The following ZBTB7C variants were observed in gnomAD, a reference collection of about 807,000 sequenced individuals.
ZBTB7C encodes zinc finger and BTB domain-containing protein 7C.
A neutral mutation model predicts 25.7 loss-of-function variants in ZBTB7C; 8 were observed. The observed-to-expected ratio is 0.31, with a 90% CI of 0.18 to 0.56. The LOEUF (loss-of-function observed/expected upper bound fraction) is 0.56. ZBTB7C is among the 20% of genes least tolerant of loss of function. The pLI is 0.91. For synonymous variants in ZBTB7C, 394 were observed against 369.0 expected (o/e 1.07, Z -0.78); for missense variants, 824 against 855.2 (o/e 0.96, Z 0.46).
At chr18:48,338,914 G>GC in intron 1 of ZBTB7C, among the ~76,000 whole-genome samples, 1 of 151,200 alleles carries the variant, frequency 6.6e-6, no homozygotes, top group Admixed American at 6.6e-5. Context: ...AGTTTGTTGG[G>GC]GGGGGGGGGT....
chr18:48,229,009 C>T (rs1020679680), intron 2 of ZBTB7C, among the ~76,000 whole-genome samples: 8 of 152,098 alleles, frequency 5.3e-5, no homozygotes, highest in Non-Finnish European at 1.0e-4. Context: ...CAGGATTGTG[C>T]GAGGCTGGAG....
At chr18:48,388,813 G>C (rs1599019089) in intron 1 of ZBTB7C, among the ~76,000 whole-genome samples, 1 of 152,214 alleles carries the variant, frequency 6.6e-6, no homozygotes. Context: ...AGCTGGAAGA[G>C]AGATATTTGC....
chr18:48,247,246 A>T (rs181773059), intron 2 of ZBTB7C, among the ~76,000 whole-genome samples: 1 of 152,370 alleles, frequency 6.6e-6, no homozygotes, highest in Non-Finnish European at 1.5e-5. Flanking sequence ...AAAGATGCCT[A>T]CTATTATCAT....
chr18:48,030,110 A>T (rs2035680618), intron 4 of ZBTB7C, among the ~76,000 whole-genome samples, 199 bp from the exon 5 acceptor site: 1 of 152,130 alleles, frequency 6.6e-6, no homozygotes, highest in South Asian at 2.1e-4. Flanking sequence ...GATTAAAGGG[A>T]TGCGGAAAAA....
intron 3 of ZBTB7C, among the ~76,000 whole-genome samples, chr18:48,152,815 G>T (rs1014420249): frequency 2.0e-5 from 3 of 152,246 alleles, no homozygotes; most frequent in African/African-American, 7.2e-5. Flanking sequence ...TGAGCACTTA[G>T]TGGGTGTCAG....
intron 3 of ZBTB7C, chr18:48,150,368 G>A (rs2040637023): frequency 6.6e-6 from 1 of 152,178 alleles, no homozygotes; most frequent in Non-Finnish European, 1.5e-5. Flanking sequence ...AATCACCTTA[G>A]GTCAGGAGTT....
chr18:48,109,824 G>T (rs539208474), intron 3 of ZBTB7C, among the ~76,000 whole-genome samples: 2 of 152,140 alleles, frequency 1.3e-5, no homozygotes, highest in East Asian at 1.9e-4. Context: ...AGACAAAAAG[G>T]TGCCTTCTTA....
At chr18:48,275,888 G>C (rs968850631) in intron 2 of ZBTB7C, among the ~76,000 whole-genome samples, 3 of 152,128 alleles carry the variant, frequency 2.0e-5, no homozygotes. Flanking sequence ...TTAAGCAACA[G>C]GAACCGATCA....
chr18:48,115,325 T>C (rs2039393803), intron 3 of ZBTB7C, among the ~76,000 whole-genome samples: 1 of 152,194 alleles, frequency 6.6e-6, no homozygotes, highest in South Asian at 2.1e-4. Context: ...CTTGGCTCAC[T>C]GCAGGCTCCG....
chr18:48,318,155 T>C (rs1005129081), intron 2 of ZBTB7C, among the ~76,000 whole-genome samples: 1 of 151,628 alleles, frequency 6.6e-6, no homozygotes, highest in African/African-American at 2.4e-5. Context: ...TGTCTTCTGC[T>C]CTCTGCCACC....
intron 3 of ZBTB7C, among the ~76,000 whole-genome samples, chr18:48,130,821 C>T (rs1336694566): frequency 1.3e-5 from 2 of 152,224 alleles, no homozygotes; most frequent in Admixed American, 6.5e-5. Context: ...CCACAATCAC[C>T]TCCAAGCACC....
chr18:48,290,275 A>G lies in ZBTB7C; in HGVS notation c.-79+47899T>C, dbSNP rs992936291. On this transcript the variant is annotated intron_variant, in intron 2 of 4. Coordinates refer to ENST00000590800, the MANE Select transcript of ZBTB7C (RefSeq NM_001318841.2). ...GCTGTTAGGTCCAGCCAGGACTCCA[A>G]GGTCCAAAAGCCAAAGTGCCCCAGC... Among the ~76,000 whole-genome samples, 7 of 152,220 alleles carry G rather than the reference A, an allele frequency of 4.6e-5. No homozygotes were observed. The East Asian group carries it at 1.2e-3, about 25-fold the overall frequency.
intron 3 of ZBTB7C, among the ~76,000 whole-genome samples, chr18:48,081,770 G>A (rs914851627): frequency 2.6e-5 from 4 of 152,090 alleles, no homozygotes; most frequent in African/African-American, 9.7e-5. Context: ...TGACCTGGAA[G>A]CCATTAGCCA....
At chr18:48,228,508 A>G (rs2043163455) in intron 2 of ZBTB7C, among the ~76,000 whole-genome samples, 1 of 151,938 alleles carries the variant, frequency 6.6e-6, no homozygotes, top group South Asian at 2.1e-4. Context: ...TCACCCCTGC[A>G]TCCTCCTCCC....
chr18:48,227,143 G>C (rs1211409529), intron 2 of ZBTB7C, among the ~76,000 whole-genome samples: 2 of 152,126 alleles, frequency 1.3e-5, no homozygotes, highest in African/African-American at 4.8e-5. Flanking sequence ...CCCAAGGAGA[G>C]CCAGCCATGC....
intron 2 of ZBTB7C, among the ~76,000 whole-genome samples, chr18:48,220,856 A>G (rs78990075): frequency 0.06 from 9,095 of 152,134 alleles, 312 homozygotes; most frequent in Non-Finnish European, 0.073. Flanking sequence ...CACACTCCCT[A>G]CTGTCCTAGT....
At chr18:48,343,003 G>C (rs2046640896) in intron 1 of ZBTB7C, among the ~76,000 whole-genome samples, 1 of 152,126 alleles carries the variant, frequency 6.6e-6, no homozygotes, top group African/African-American at 2.4e-5. Flanking sequence ...GCCTGGCAGT[G>C]CTCCAAGGAG....
intron 2 of ZBTB7C, among the ~76,000 whole-genome samples, chr18:48,225,962 C>T (rs937801720): frequency 6.6e-6 from 1 of 152,168 alleles, no homozygotes; most frequent in Admixed American, 6.5e-5. Flanking sequence ...AGGATGGTCT[C>T]GATCGCTTGA....
At chr18:48,403,817 C>T (rs775688888) in intron 1 of ZBTB7C, among the ~76,000 whole-genome samples, 7 of 151,912 alleles carry the variant, frequency 4.6e-5, no homozygotes, top group South Asian at 2.1e-4. Flanking sequence ...TCCCCAAAAA[C>T]CTATGAAATA....
Sources: allele counts gnomAD v4.1 joint callset (sites outside exome capture counted in the v4.1 genomes callset), GRCh38; gene constraint gnomAD v4.1.1; transcripts MANE v1.5; gene names NCBI Gene and HGNC (gene_info 2026-07-23, HGNC 2026-07-21).